The following ADGRV1 variants were observed in gnomAD, a reference collection of about 807,000 sequenced individuals.
ADGRV1 encodes G-protein coupled receptor 98.
A neutral mutation model predicts 596.2 loss-of-function variants in ADGRV1; 359 were observed. The observed-to-expected ratio is 0.60, with a 90% CI of 0.55 to 0.66. ADGRV1 has a LOEUF of 0.66. ADGRV1 is among the 30% of genes least tolerant of loss of function. The probability of loss-of-function intolerance (pLI) is 0.00; values close to 1 mark genes in which losing one functional copy is unlikely to be tolerated. For missense variants in ADGRV1, 7,274 were observed against 7,575.6 expected (o/e 0.96, Z 1.48); for synonymous variants, 2,681 against 2,679.2 (o/e 1.00, Z -0.02).
At chr5:90,968,234 A>G (rs1778649811) in intron 84 of ADGRV1, among the ~76,000 whole-genome samples, 1 of 152,256 alleles carries the variant, frequency 6.6e-6, no homozygotes, top group Non-Finnish European at 1.5e-5. Flanking sequence ...AAGAGTGTTC[A>G]TAGCAATAAA....
chr5:90,878,892 A>G (rs908260328), intron 83 of ADGRV1, among the ~76,000 whole-genome samples: 3 of 152,218 alleles, frequency 2.0e-5, no homozygotes, highest in African/African-American at 7.2e-5. Flanking sequence ...AACTCGAACC[A>G]TATTTGGTTG....
At chr5:90,578,103 T>C (rs1418513476) in intron 1 of ADGRV1, among the ~76,000 whole-genome samples, 1 of 152,220 alleles carries the variant, frequency 6.6e-6, no homozygotes, top group Non-Finnish European at 1.5e-5. Flanking sequence ...ATACCTTGTA[T>C]TTCTTTATCT....
At chr5:91,148,534 A>G (rs1410967651) in intron 87 of ADGRV1, among the ~76,000 whole-genome samples, 2 of 152,150 alleles carry the variant, frequency 1.3e-5, no homozygotes, top group African/African-American at 2.4e-5. Context: ...ACCTCTGCCT[A>G]TATTTCAGAG....
At chr5:91,143,055 G>A (rs543293902) in intron 87 of ADGRV1, among the ~76,000 whole-genome samples, 1 of 152,328 alleles carries the variant, frequency 6.6e-6, no homozygotes, top group East Asian at 1.9e-4. Context: ...ACACAGTGGT[G>A]GAGCTGGCAG....
chr5:90,563,554 C>T (rs1215341442), intron 1 of ADGRV1, among the ~76,000 whole-genome samples: 4 of 152,230 alleles, frequency 2.6e-5, no homozygotes, highest in Non-Finnish European at 4.4e-5. Context: ...TAAAATGCAA[C>T]TCCAAAAAGT....
chr5:90,665,048 C>T (rs1370545239), intron 21 of ADGRV1, among the ~76,000 whole-genome samples: 5 of 151,142 alleles, frequency 3.3e-5, no homozygotes, highest in Non-Finnish European at 5.9e-5. Flanking sequence ...CATCAGTGTT[C>T]ATCAAGGATA....
intron 85 of ADGRV1, among the ~76,000 whole-genome samples, chr5:90,998,698 A>G (rs573085845): frequency 8.5e-5 from 13 of 152,256 alleles, no homozygotes; most frequent in Admixed American, 3.9e-4. Context: ...TTTAAAAGAT[A>G]TTGTCAAAGT....
chr5:90,679,190 A>AAC (rs1744622346), intron 25 of ADGRV1, among the ~76,000 whole-genome samples: 1 of 152,336 alleles, frequency 6.6e-6, no homozygotes, highest in South Asian at 2.1e-4. Context: ...ATTAGGCCTA[A>AAC]GTGTATGATT....
chr5:90,988,955 A>G (rs1780732881), intron 85 of ADGRV1, among the ~76,000 whole-genome samples: 1 of 151,638 alleles, frequency 6.6e-6, no homozygotes, highest in Non-Finnish European at 1.5e-5. Flanking sequence ...CCATGTCCCT[A>G]CAAAGGACAT....
chr5:90,693,059 C>T (rs1746690713), intron 32 of ADGRV1, among the ~76,000 whole-genome samples: 1 of 151,734 alleles, frequency 6.6e-6, no homozygotes, highest in African/African-American at 2.4e-5. Flanking sequence ...TAATTTGTTA[C>T]AATTAGTACT....
chr5:90,630,860 T>C (rs1393207338), intron 9 of ADGRV1, among the ~76,000 whole-genome samples: 3 of 152,186 alleles, frequency 2.0e-5, no homozygotes, highest in African/African-American at 7.2e-5. Flanking sequence ...GTGTTGAATG[T>C]TGAGTTTAGC....
At position 90,706,283 on chromosome 5, in the gene ADGRV1, C is replaced by T. The variant is rs1748583469; in HGVS notation, c.8619C>T (p.Asn2873=). The T allele has an allele frequency of 6.2e-7, 1 of 1,613,278 alleles. No individual in the cohort carries two copies. Among genetic ancestry groups the T allele is most frequent in the East Asian group, 2.2e-5 (1 of 44,866 alleles). Residue 2873 remains asparagine, a synonymous_variant, in exon 38 of 90, where the codon AAC becomes AAT. Coordinates refer to ENST00000405460, the MANE Select transcript of ADGRV1 (RefSeq NM_032119.4). ...TTVPGMLSLK[N]QTVGNLAEPE... ...TTCCTGGAATGCTGAGTCTGAAGAA[C>T]CAAACAGTAGGAAACCTAGCAGAGC...
intron 53 of ADGRV1, among the ~76,000 whole-genome samples, chr5:90,752,908 T>C (rs1297642252): frequency 6.6e-6 from 1 of 152,224 alleles, no homozygotes; most frequent in Admixed American, 6.5e-5. Context: ...CAGCCTATAA[T>C]GCTAGTTTGA....
chr5:91,032,781 T>C (rs1370395250), intron 85 of ADGRV1, among the ~76,000 whole-genome samples: 1 of 152,156 alleles, frequency 6.6e-6, no homozygotes, highest in Non-Finnish European at 1.5e-5. Context: ...TAGATGCATA[T>C]AGATCCACAT....
chr5:90,863,547 T>A (rs1767804004), intron 82 of ADGRV1, among the ~76,000 whole-genome samples: 1 of 152,212 alleles, frequency 6.6e-6, no homozygotes, highest in African/African-American at 2.4e-5. Context: ...TTCACATGCC[T>A]GAATATTGGG....
intron 86 of ADGRV1, among the ~76,000 whole-genome samples, chr5:91,087,583 T>C (rs1790002430): frequency 6.6e-6 from 1 of 152,194 alleles, no homozygotes; most frequent in African/African-American, 2.4e-5. Flanking sequence ...ATATAATCAT[T>C]GAGAGCAGAT....
intron 85 of ADGRV1, among the ~76,000 whole-genome samples, chr5:90,988,427 A>G (rs1378461978): frequency 6.6e-6 from 1 of 152,218 alleles, no homozygotes; most frequent in African/African-American, 2.4e-5. Context: ...TATGGAAAGC[A>G]GTGAAAATAC....
intron 65 of ADGRV1, among the ~76,000 whole-genome samples, chr5:90,782,719 A>G (rs1030266375): frequency 2.0e-5 from 3 of 152,144 alleles, no homozygotes; most frequent in African/African-American, 7.2e-5. Flanking sequence ...TATTTATATT[A>G]CCATATTTAT....
chr5:90,910,174 C>T (rs142035169), intron 83 of ADGRV1, among the ~76,000 whole-genome samples: 1 of 152,326 alleles, frequency 6.6e-6, no homozygotes, highest in Non-Finnish European at 1.5e-5. Context: ...AAGATTCCTG[C>T]CAAGAGCCTG....
Sources: allele counts gnomAD v4.1 joint callset (sites outside exome capture counted in the v4.1 genomes callset), GRCh38; gene constraint gnomAD v4.1.1; transcripts MANE v1.5; gene names NCBI Gene and HGNC (gene_info 2026-07-23, HGNC 2026-07-21).